The following SNX18 variants were observed in gnomAD, a reference collection of about 807,000 sequenced individuals.
SNX18 encodes the protein sorting nexin-18.
SNX18 carries 35 observed loss-of-function variants against 48.7 expected under a neutral mutation model. That is an observed-to-expected ratio of 0.72 (90% CI 0.55 to 0.95). The LOEUF is 0.95. Ranked by LOEUF, SNX18 falls within the 40% of genes least tolerant of loss-of-function variation. The pLI is 0.00. For synonymous variants in SNX18, 492 were observed against 384.7 expected, an observed-to-expected ratio of 1.28 and a Z score of -3.26; for missense variants, 824 against 871.0, an observed-to-expected ratio of 0.95 and a Z score of 0.68.
chr5:54,570,351 A>G, the SNX18 span, among the ~76,000 whole-genome samples: 1 of 152,340 alleles, frequency 6.6e-6, no homozygotes, highest in South Asian at 2.1e-4. Flanking sequence ...CTCCAAAACT[A>G]TAACAGTATG....
At chr5:54,572,072 A>G in the SNX18 span, among the ~76,000 whole-genome samples, 1 of 152,184 alleles carries the variant, frequency 6.6e-6, no homozygotes, top group Non-Finnish European at 1.5e-5. Flanking sequence ...CCACCTGCTC[A>G]GCCCTAGATG....
the SNX18 span, among the ~76,000 whole-genome samples, chr5:54,630,647 A>T: frequency 6.6e-6 from 1 of 152,076 alleles, no homozygotes; most frequent in Non-Finnish European, 1.5e-5. Flanking sequence ...CAGCCTGGCC[A>T]ACATGGTGAA....
the SNX18 span, among the ~76,000 whole-genome samples, chr5:54,573,643 C>G: frequency 0.81 from 123,708 of 152,106 alleles, 50,472 homozygotes; most frequent in Middle Eastern, 0.84. Context: ...TGAGGGCTGT[C>G]GGGTGTCAGG....
chr5:54,517,963 GCGCCCGGGCGCTGTA>G lies in SNX18; in HGVS notation c.14_28del (p.Ala5_Tyr9del). The G allele has an allele frequency of 1.3e-6, 2 of 1,515,616 alleles. No individual in the cohort carries two copies. Among genetic ancestry groups the G allele is most frequent in the Non-Finnish European group, 8.8e-7 (1 of 1,134,754 alleles). The allele number at this position is 1,515,616 out of a possible 1,614,324, so 93.9% of individuals were successfully genotyped here. On this transcript the variant is annotated inframe_deletion, in exon 1 of 2. Coordinates refer to ENST00000381410, the MANE Select transcript of SNX18 (RefSeq NM_001102575.2). ...CGGGGCGCCGGGACCATGGCGCTGC[GCGCCCGGGCGCTGTA>G]CGACTTCAGGTCGGAGAACCCAGGA...
the SNX18 span, among the ~76,000 whole-genome samples, chr5:54,556,761 A>T: frequency 6.6e-6 from 1 of 152,156 alleles, no homozygotes; most frequent in African/African-American, 2.4e-5. Flanking sequence ...AACTTGCAGG[A>T]TTGGGGGGTA....
the SNX18 span, among the ~76,000 whole-genome samples, chr5:54,563,723 A>C: frequency 6.6e-6 from 1 of 152,122 alleles, no homozygotes; most frequent in East Asian, 1.9e-4. Flanking sequence ...TGACCTCTAA[A>C]GAGGCCCCTG....
chr5:54,543,902 C>T lies in SNX18; in HGVS notation c.*470C>T, dbSNP rs1762518037. 1 of 153,224 alleles carries T rather than the reference C, an allele frequency of 6.5e-6. No individual in the cohort carries two copies. Among genetic ancestry groups the T allele is most frequent in the Admixed American group, 6.5e-5 (1 of 15,332 alleles). 9.5% of individuals were successfully genotyped at this position (153,224 alleles called of 1,614,324 possible). A position where few individuals can be genotyped will look rare whatever the true frequency, so the allele number is the denominator to read the frequency against. On this transcript the variant is annotated 3_prime_UTR_variant, in exon 2 of 2. Transcript: ENST00000381410. ...AGCTATGCGACCTTGTGCCTTTAGA[C>T]TCTTGGTTTTTCATTTCTCCCCGTC...
chr5:54,557,038 G>T, the SNX18 span, among the ~76,000 whole-genome samples: 1 of 152,002 alleles, frequency 6.6e-6, no homozygotes, highest in African/African-American at 2.4e-5. Flanking sequence ...AAATAATTTG[G>T]CGTTTCTTTG....
intron 1 of SNX18, among the ~76,000 whole-genome samples, chr5:54,534,825 C>T (rs1357640724): frequency 6.6e-6 from 1 of 152,072 alleles, no homozygotes; most frequent in African/African-American, 2.4e-5. Flanking sequence ...TGAGTTTCAG[C>T]TTGCAGTGTG....
rs1762533187 is a variant in SNX18 at position 54,544,371 on chromosome 5, T to A, written c.*939T>A. On this transcript the variant is annotated 3_prime_UTR_variant, in exon 2 of 2. Coordinates refer to ENST00000381410, the MANE Select transcript of SNX18 (RefSeq NM_001102575.2). ...AGGAGGGTTTTGTTTTTGTTTTTGT[T>A]TTTAGGTTGAAGATTTTCTTTTAAT... 1 of 151,166 alleles carries A rather than the reference T, an allele frequency of 6.6e-6. No homozygotes were observed. The highest frequency in any genetic ancestry group is 1.5e-5 in the Non-Finnish European group (1 of 67,938). 9.4% of individuals were successfully genotyped at this position (151,166 alleles called of 1,614,324 possible).
At chr5:54,531,261 C>T (rs1762249773) in intron 1 of SNX18, among the ~76,000 whole-genome samples, 1 of 151,988 alleles carries the variant, frequency 6.6e-6, no homozygotes, top group African/African-American at 2.4e-5. Flanking sequence ...TGGTGAGGCG[C>T]TGGCTCTCCT....
the SNX18 span, among the ~76,000 whole-genome samples, chr5:54,561,202 C>A: frequency 1.3e-5 from 2 of 152,128 alleles, no homozygotes; most frequent in African/African-American, 4.8e-5. Context: ...ACCACCACGC[C>A]TGGCTAATTT....
the SNX18 span, among the ~76,000 whole-genome samples, chr5:54,577,378 A>G: frequency 5.0e-5 from 6 of 120,524 alleles, no homozygotes; most frequent in African/African-American, 1.6e-4. Context: ...TCCCACCTCA[A>G]CTGCTCCAGC....
At chr5:54,595,035 G>A in the SNX18 span, among the ~76,000 whole-genome samples, 6 of 152,132 alleles carry the variant, frequency 3.9e-5, no homozygotes, top group African/African-American at 7.2e-5. Context: ...GTATTCTGTG[G>A]TGTATATATA....
At chr5:54,623,702 C>T in the SNX18 span, among the ~76,000 whole-genome samples, 1 of 152,182 alleles carries the variant, frequency 6.6e-6, no homozygotes, top group African/African-American at 2.4e-5. Context: ...AGCTAGACTT[C>T]CCCAAAATGC....
At chr5:54,595,240 T>C in the SNX18 span, among the ~76,000 whole-genome samples, 1 of 152,194 alleles carries the variant, frequency 6.6e-6, no homozygotes, top group African/African-American at 2.4e-5. Flanking sequence ...TTAATTAATT[T>C]ATTTTTATTT....
At chr5:54,526,308 A>G (rs552803541) in intron 1 of SNX18, among the ~76,000 whole-genome samples, 1 of 152,018 alleles carries the variant, frequency 6.6e-6, no homozygotes, top group Non-Finnish European at 1.5e-5. Context: ...GGGTTTCACT[A>G]TATTGGCCAG....
the SNX18 span, among the ~76,000 whole-genome samples, chr5:54,593,624 T>C: frequency 1.3e-5 from 2 of 152,192 alleles, no homozygotes; most frequent in African/African-American, 2.4e-5. Context: ...CTTGGAACAC[T>C]TATATGACCC....
chr5:54,576,748 T>G, the SNX18 span, among the ~76,000 whole-genome samples: 1 of 151,952 alleles, frequency 6.6e-6, no homozygotes, highest in Non-Finnish European at 1.5e-5. Context: ...GCCTGGCGTT[T>G]ATTTGGCATA....
Sources: allele counts gnomAD v4.1 joint callset (sites outside exome capture counted in the v4.1 genomes callset), GRCh38; gene constraint gnomAD v4.1.1; transcripts MANE v1.5; gene names NCBI Gene and HGNC (gene_info 2026-07-23, HGNC 2026-07-21).